Variants in SDCCAG8 observed in about 807,000 individuals in gnomAD.
SDCCAG8 encodes the protein SHH signaling and ciliogenesis regulator SDCCAG8.
A neutral mutation model predicts 101.8 loss-of-function variants in SDCCAG8; 74 were observed. That is an observed-to-expected ratio of 0.73 (90% confidence interval 0.60 to 0.88). The LOEUF (loss-of-function observed/expected upper bound fraction) is 0.88, where lower values mean the gene tolerates loss of function less well. SDCCAG8 is among the 40% of genes least tolerant of loss of function. The pLI, the probability that SDCCAG8 is intolerant of heterozygous loss-of-function variation, is 0.00. For synonymous variants in SDCCAG8, 281 were observed against 292.9 expected (o/e 0.96, Z 0.41); for missense variants, 787 against 822.6 (o/e 0.96, Z 0.53).
chr1:243,274,938 C>T (rs543227394), intron 4 of SDCCAG8, among the ~76,000 whole-genome samples: 5 of 152,288 alleles, frequency 3.3e-5, no homozygotes, highest in African/African-American at 1.2e-4. Flanking sequence ...CTTCTCACCC[C>T]GCTTGCTGTA....
intron 16 of SDCCAG8, among the ~76,000 whole-genome samples, chr1:243,453,602 C>T (rs2083524174): frequency 6.6e-6 from 1 of 152,158 alleles, no homozygotes; most frequent in African/African-American, 2.4e-5. Context: ...TAAGAAAATC[C>T]TGTTAAGAAT....
At chr1:243,468,620 G>A (rs1299204156) in intron 16 of SDCCAG8, among the ~76,000 whole-genome samples, 1 of 152,196 alleles carries the variant, frequency 6.6e-6, no homozygotes, top group African/African-American at 2.4e-5. Context: ...CCAGGAGTTT[G>A]AGGCTGCAGT....
chr1:243,317,749 A>T (rs2073385988), intron 9 of SDCCAG8, among the ~76,000 whole-genome samples: 1 of 152,198 alleles, frequency 6.6e-6, no homozygotes. Context: ...CTGTTGATTC[A>T]TTACTGTATT....
chr1:243,424,410 G>C lies in SDCCAG8; in HGVS notation c.1854-2017G>C, dbSNP rs575287684. Among the ~76,000 whole-genome samples, 85 of 151,834 alleles carry C rather than the reference G, an allele frequency of 5.6e-4. 1 individual carries two copies. The highest frequency in any genetic ancestry group is 1.3e-3 in the South Asian group (6 of 4,794). ...AATACATATCTATTTTAAAAATTTAGAAAGTATGGAAAAGGATGAATACAG... is the reference window on the plus strand; with the variant it reads ...AATACATATCTATTTTAAAAATTTACAAAGTATGGAAAAGGATGAATACAG... On this transcript the variant is annotated intron_variant, in intron 15 of 17. Transcript: ENST00000366541.
chr1:243,274,043 A>G (rs1210870992), intron 3 of SDCCAG8, among the ~76,000 whole-genome samples: 1 of 152,240 alleles, frequency 6.6e-6, no homozygotes, highest in Non-Finnish European at 1.5e-5. Flanking sequence ...TATTTAAAAA[A>G]GAGGTTTAAT....
chr1:243,404,002 G>C (rs756818730), intron 13 of SDCCAG8, among the ~76,000 whole-genome samples: 2 of 152,338 alleles, frequency 1.3e-5, no homozygotes, highest in Middle Eastern at 3.4e-3. Context: ...AGGGCACACA[G>C]CTGCTAAGTG....
intron 16 of SDCCAG8, among the ~76,000 whole-genome samples, chr1:243,434,859 T>G (rs1401202252): frequency 6.6e-6 from 1 of 152,182 alleles, no homozygotes; most frequent in Admixed American, 6.5e-5. Flanking sequence ...AAGCAGGCTG[T>G]GCATTTACCT....
chr1:243,307,543 A>T (rs2149318953), intron 7 of SDCCAG8: 1 of 984,026 alleles, frequency 1.0e-6, no homozygotes, highest in Non-Finnish European at 1.2e-6. Context: ...ACACTCTAAA[A>T]ATTTTAAGAG....
chr1:243,350,183 T>C (rs1476120823), intron 12 of SDCCAG8, among the ~76,000 whole-genome samples: 5 of 152,044 alleles, frequency 3.3e-5, no homozygotes, highest in African/African-American at 1.2e-4. Flanking sequence ...AAGGCCTGCC[T>C]GCAAGCCCTA....
Position 243,424,083 on chromosome 1 carries a change from T to G in SDCCAG8, c.1854-2344T>G, listed in dbSNP as rs80074521. 4.1e-3 allele frequency among the ~76,000 whole-genome samples: 621 copies of G among 152,274 alleles called. 5 individuals carry two copies. Among genetic ancestry groups the G allele is most frequent in the African/African-American group, 0.014 (593 of 41,578 alleles). On this transcript the variant is annotated intron_variant, in intron 15 of 17. Coordinates refer to ENST00000366541, the MANE Select transcript of SDCCAG8 (RefSeq NM_006642.5). ...ATTTGTGTTTCTTCTGTAGATATTT[T>G]CAATATTTCTTATACTTTTTAATTG...
rs577955463 is a variant in SDCCAG8 at position 243,480,860 on chromosome 1, G to A, written c.1986-8154G>A. 8.4e-3 allele frequency among the ~76,000 whole-genome samples: 816 copies of A among 97,312 alleles called. 14 individuals are homozygous for A. The highest frequency in any genetic ancestry group is 0.011 in the Admixed American group (109 of 9,806). 63.8% of individuals were successfully genotyped at this position (97,312 alleles called of 152,430 possible). ...ATGGATGGGTGGGGTGGATGGATGG[G>A]TGGATGGATGGATGGGTGGGATGGA... On this transcript the variant is annotated intron_variant, in intron 16 of 17. Transcript: ENST00000366541.
chr1:243,360,911 C>T (rs2076673438), intron 12 of SDCCAG8, among the ~76,000 whole-genome samples: 2 of 152,126 alleles, frequency 1.3e-5, no homozygotes, highest in Admixed American at 1.3e-4. Flanking sequence ...TGGTTCCTAC[C>T]TCAGTAGCAG....
intron 16 of SDCCAG8, among the ~76,000 whole-genome samples, chr1:243,483,893 G>T (rs867228548): frequency 3.9e-5 from 6 of 152,180 alleles, no homozygotes; most frequent in Admixed American, 2.6e-4. Flanking sequence ...TAGGGGGGTC[G>T]TGCGGGCCCG....
intron 1 of SDCCAG8, among the ~76,000 whole-genome samples, chr1:243,268,295 A>C (rs1381106779): frequency 6.6e-6 from 1 of 152,240 alleles, no homozygotes; most frequent in African/African-American, 2.4e-5. Flanking sequence ...TGAATTGCTT[A>C]TCATGTAACA....
intron 12 of SDCCAG8, among the ~76,000 whole-genome samples, chr1:243,348,476 TCCC>T (rs2075876129): frequency 6.6e-6 from 1 of 151,422 alleles, no homozygotes; most frequent in African/African-American, 2.4e-5. Context: ...AACACACACC[TCCC>T]CCAGTGACAT....
intron 16 of SDCCAG8, among the ~76,000 whole-genome samples, chr1:243,470,542 G>T (rs1351464521): frequency 1.3e-5 from 2 of 149,954 alleles, no homozygotes; most frequent in African/African-American, 2.5e-5. Flanking sequence ...CAAGGAAGCA[G>T]CCCGTGCACT....
At chr1:243,359,551 AG>A (rs1318305763) in intron 12 of SDCCAG8, among the ~76,000 whole-genome samples, 2 of 152,182 alleles carry the variant, frequency 1.3e-5, no homozygotes, top group Non-Finnish European at 2.9e-5. Context: ...AGAGTCACAA[AG>A]GCACTGTTCT....
At chr1:243,385,083 G>A (rs2078191378) in intron 13 of SDCCAG8, among the ~76,000 whole-genome samples, 1 of 152,070 alleles carries the variant, frequency 6.6e-6, no homozygotes, top group Non-Finnish European at 1.5e-5. Flanking sequence ...AGGCTAGCGG[G>A]GAAGAGAAGA....
At chr1:243,355,942 G>A (rs1300493107) in intron 12 of SDCCAG8, among the ~76,000 whole-genome samples, 4 of 152,136 alleles carry the variant, frequency 2.6e-5, no homozygotes, top group African/African-American at 9.7e-5. Flanking sequence ...AGAATGTTCT[G>A]CAAAGAAATC....
Sources: gnomAD v4.1 joint callset for allele counts (sites outside exome capture counted in the v4.1 genomes callset) on GRCh38, gnomAD v4.1.1 for gene constraint, MANE v1.5 for transcripts, NCBI Gene and HGNC (gene_info 2026-07-23, HGNC 2026-07-21) for gene names.